PTPRD: variants seen among roughly 807,000 people sequenced by gnomAD.
PTPRD encodes protein tyrosine phosphatase receptor type D.
A neutral mutation model predicts 214.5 loss-of-function variants in PTPRD; 34 were observed. That is an observed-to-expected ratio of 0.16 (90% CI 0.12 to 0.21). PTPRD has a LOEUF of 0.21. Ranked by LOEUF, PTPRD falls within the 10% of genes least tolerant of loss-of-function variation. PTPRD has a pLI of 1.00. For synonymous variants in PTPRD, 1,128 were observed against 845.7 expected (o/e 1.33, Z -5.79); for missense variants, 2,545 against 2,398.7 (o/e 1.06, Z -1.27).
intron 7 of PTPRD, among the ~76,000 whole-genome samples, chr9:9,691,066 T>C (rs2097262087): frequency 6.6e-6 from 1 of 151,974 alleles, no homozygotes; most frequent in Admixed American, 6.6e-5. Context: ...CGAGATATTT[T>C]GGTACAGGCA....
chr9:9,386,956 G>T lies in PTPRD; in HGVS notation c.-203+10493C>A, dbSNP rs551979973. On this transcript the variant is annotated intron_variant, in intron 9 of 45. Coordinates refer to ENST00000381196, the MANE Select transcript of PTPRD (RefSeq NM_002839.4). ...ACCCTTTATGCAAAATCTACAGAAT[G>T]AGAATTCCAAGAATTTGTGTCCTAA... 3.4e-4 allele frequency among the ~76,000 whole-genome samples: 52 copies of T among 152,282 alleles called. No homozygotes were observed. In the Middle Eastern group the frequency reaches 0.034, roughly 100 times the overall value.
intron 7 of PTPRD, among the ~76,000 whole-genome samples, chr9:9,718,560 A>T (rs771469218): frequency 6.6e-6 from 1 of 152,192 alleles, no homozygotes; most frequent in Non-Finnish European, 1.5e-5. Flanking sequence ...CTGTGCTCTC[A>T]GAGACCCAGG....
At chr9:8,647,118 T>C (rs2096711626) in intron 12 of PTPRD, among the ~76,000 whole-genome samples, 1 of 152,218 alleles carries the variant, frequency 6.6e-6, no homozygotes, top group South Asian at 2.1e-4. Flanking sequence ...TACAGATTCA[T>C]GTGTATCATC....
At chr9:10,390,043 T>C (rs965028989) in intron 2 of PTPRD, among the ~76,000 whole-genome samples, 9 of 151,970 alleles carry the variant, frequency 5.9e-5, no homozygotes, top group South Asian at 4.1e-4. Context: ...TGACTTTACA[T>C]GGCTCACAAT....
chr9:10,133,127 G>A (rs1286763769), intron 3 of PTPRD, among the ~76,000 whole-genome samples: 2 of 152,120 alleles, frequency 1.3e-5, no homozygotes, highest in Admixed American at 1.3e-4. Flanking sequence ...CACTGAGGCT[G>A]TTTACCATGG....
At chr9:9,676,895 C>T (rs1363439070) in intron 7 of PTPRD, among the ~76,000 whole-genome samples, 1 of 152,092 alleles carries the variant, frequency 6.6e-6, no homozygotes, top group African/African-American at 2.4e-5. Context: ...AGCATTTTTT[C>T]ATGTGTTTTT....
chr9:9,071,264 T>C (rs28635307), intron 10 of PTPRD, among the ~76,000 whole-genome samples: 2,237 of 152,236 alleles, frequency 0.015, 62 homozygotes, highest in African/African-American at 0.051. Context: ...CCCCTTGAGT[T>C]TGGACAAGGC....
intron 14 of PTPRD, among the ~76,000 whole-genome samples, chr9:8,575,881 C>G (rs1298157986): frequency 6.6e-6 from 1 of 152,180 alleles, no homozygotes; most frequent in African/African-American, 2.4e-5. Context: ...GATGCAAAGA[C>G]TAGCTAGGGA....
chr9:9,833,813 C>G (rs2055836243), intron 5 of PTPRD, among the ~76,000 whole-genome samples: 1 of 152,038 alleles, frequency 6.6e-6, no homozygotes, highest in South Asian at 2.1e-4. Flanking sequence ...CTCTGTTCTG[C>G]CCGGCTCACC....
rs561054210 is a variant in PTPRD at position 9,281,806 on chromosome 9, G to A, written c.-202-98443C>T. ...CACAAAAATGAGCACATGAATATTC[G>A]TAACAGCTTTGCTCATAATGGCAAA... On this transcript the variant is annotated intron_variant, in intron 9 of 45. Transcript: ENST00000381196. 2.5e-4 allele frequency among the ~76,000 whole-genome samples: 38 copies of A among 150,034 alleles called. 1 individual carries two copies. The highest frequency in any genetic ancestry group is 1.6e-3 in the Admixed American group (24 of 14,934).
At chr9:10,065,889 C>T (rs1472541144) in intron 3 of PTPRD, among the ~76,000 whole-genome samples, 2 of 151,886 alleles carry the variant, frequency 1.3e-5, no homozygotes, top group Admixed American at 1.3e-4. Context: ...CCAATTTCTT[C>T]TTTATTAGTA....
intron 11 of PTPRD, among the ~76,000 whole-genome samples, chr9:8,990,013 C>G (rs1285459365): frequency 6.6e-6 from 1 of 152,138 alleles, no homozygotes; most frequent in East Asian, 1.9e-4. Context: ...CCATAATAAT[C>G]TAGACCTCAT....
At chr9:10,134,224 G>C (rs1033819269) in intron 3 of PTPRD, among the ~76,000 whole-genome samples, 2 of 152,124 alleles carry the variant, frequency 1.3e-5, no homozygotes, top group African/African-American at 2.4e-5. Flanking sequence ...TCTCCAGAGA[G>C]CTGCAGGTCT....
intron 2 of PTPRD, among the ~76,000 whole-genome samples, chr9:10,533,173 C>T (rs1407182333): frequency 1.3e-5 from 2 of 152,026 alleles, no homozygotes; most frequent in Non-Finnish European, 2.9e-5. Flanking sequence ...TGCTTTCCTC[C>T]AGGAGTGGAA....
At chr9:10,028,763 C>T (rs779080329) in intron 4 of PTPRD, among the ~76,000 whole-genome samples, 1 of 152,130 alleles carries the variant, frequency 6.6e-6, no homozygotes, top group Non-Finnish European at 1.5e-5. Flanking sequence ...TAAAGGCATT[C>T]AGTTTTATAA....
chr9:9,497,007 A>C (rs1400695592), intron 8 of PTPRD, among the ~76,000 whole-genome samples: 1 of 152,174 alleles, frequency 6.6e-6, no homozygotes. Context: ...AAAGACAAAT[A>C]CTATATGATT....
intron 2 of PTPRD, among the ~76,000 whole-genome samples, chr9:10,369,355 C>T (rs2097570167): frequency 6.6e-6 from 1 of 151,994 alleles, no homozygotes; most frequent in South Asian, 2.1e-4. Context: ...TGCTTCAATT[C>T]TCATAGCCAG....
chr9:10,335,523 T>C (rs1462469842), intron 3 of PTPRD, among the ~76,000 whole-genome samples: 1 of 151,740 alleles, frequency 6.6e-6, no homozygotes, highest in Non-Finnish European at 1.5e-5. Context: ...AAAATGTAGA[T>C]GATCTTGGGT....
At chr9:8,827,597 ACT>A (rs1360788687) in intron 11 of PTPRD, among the ~76,000 whole-genome samples, 1 of 152,106 alleles carries the variant, frequency 6.6e-6, no homozygotes, top group East Asian at 1.9e-4. Flanking sequence ...ATAGAGTGAG[ACT>A]CTGTCTCAAA....
Sources: gnomAD v4.1 joint callset for allele counts (sites outside exome capture counted in the v4.1 genomes callset) on GRCh38, gnomAD v4.1.1 for gene constraint, MANE v1.5 for transcripts, NCBI Gene and HGNC (gene_info 2026-07-23, HGNC 2026-07-21) for gene names.